Variants in SEPTIN14 observed in about 807,000 individuals in gnomAD.
The protein encoded by SEPTIN14 is septin 14.
In SEPTIN14, 40 loss-of-function variants were observed where a neutral mutation model predicts 53.6. The ratio of observed to expected loss-of-function variants is 0.75; its 90% CI spans 0.58 to 0.97. SEPTIN14 has a LOEUF of 0.97. Ranked by LOEUF, SEPTIN14 falls within the 50% of genes least tolerant of loss-of-function variation. The probability of loss-of-function intolerance (pLI) is 0.00; values close to 1 mark genes in which losing one functional copy is unlikely to be tolerated. For synonymous variants in SEPTIN14, 138 were observed against 166.8 expected, an observed-to-expected ratio of 0.83 and a Z score of 1.33; for missense variants, 471 against 508.2, an observed-to-expected ratio of 0.93 and a Z score of 0.70.
chr7:55,827,741 A>T (rs1426063428), intron 6 of SEPTIN14, among the ~76,000 whole-genome samples: 1 of 152,230 alleles, frequency 6.6e-6, no homozygotes, highest in East Asian at 1.9e-4. Context: ...AGGAAATCAC[A>T]GTAAACAAAG....
chr7:55,800,649 G>C (rs1266138343), intron 9 of SEPTIN14, among the ~76,000 whole-genome samples: 1 of 151,938 alleles, frequency 6.6e-6, no homozygotes, highest in Non-Finnish European at 1.5e-5. Context: ...TAAACTCATG[G>C]AGATAGAGAA....
At position 55,834,520 on chromosome 7, in the gene SEPTIN14, T is replaced by A. The variant is rs1024391394; in HGVS notation, c.625A>T (p.Asn209Tyr). Reference protein sequence around the residue: ...ISKNDLQTFKNKIMSELISNG... With the variant: ...ISKNDLQTFKYKIMSELISNG... Reference sequence around the variant, plus strand: ...CTAATCAATTCACTCATTATCTTATTCTTAAACGTCTGTAAATCATTTTTA... The same window carrying A: ...CTAATCAATTCACTCATTATCTTATACTTAAACGTCTGTAAATCATTTTTA... The change falls in exon 6 of 10, where the codon AAT (asparagine) becomes TAT (tyrosine). Residue 209 changes from asparagine to tyrosine, a missense_variant. Transcript: ENST00000388975. 6.2e-7 allele frequency: 1 copy of A among 1,611,512 alleles called. No individual in the cohort carries two copies. The highest frequency in any genetic ancestry group is 2.2e-5 in the East Asian group (1 of 44,846).
At chr7:55,811,245 A>G (rs561593494) in intron 7 of SEPTIN14, 41 of 524,984 alleles carry the variant, frequency 7.8e-5, no homozygotes, top group Non-Finnish European at 1.6e-4. Flanking sequence ...CAGGATCTGG[A>G]TGTTGTAGAG....
chr7:55,795,904 G>A lies in SEPTIN14; in HGVS notation c.*9C>T, dbSNP rs1183244728. 1.9e-6 allele frequency: 3 copies of A among 1,576,208 alleles called. No homozygotes were observed. The highest frequency in any genetic ancestry group is 1.1e-5 in the South Asian group (1 of 90,454). ...AATGATAGGGCTCTCAGAATAGTAA[G>A]AGAAACTATTATTTCTTACGATGTT... On this transcript the variant is annotated 3_prime_UTR_variant, in exon 10 of 10. Coordinates refer to ENST00000388975, the MANE Select transcript of SEPTIN14 (RefSeq NM_207366.3).
At chr7:55,843,581 C>T (rs1298831759) in intron 4 of SEPTIN14, among the ~76,000 whole-genome samples, 1 of 152,202 alleles carries the variant, frequency 6.6e-6, no homozygotes, top group Non-Finnish European at 1.5e-5. Context: ...CGCCTGTAAT[C>T]ACAGCACTTT....
At chr7:55,857,713 G>A (rs1310106360) in intron 2 of SEPTIN14, among the ~76,000 whole-genome samples, 2 of 141,456 alleles carry the variant, frequency 1.4e-5, no homozygotes, top group South Asian at 4.8e-4. Flanking sequence ...TCAGCCTCCC[G>A]AGCAGCTGGG....
At chr7:55,804,267 G>GTTTT (rs778497124) in intron 9 of SEPTIN14, among the ~76,000 whole-genome samples, 1 of 129,108 alleles carries the variant, frequency 7.7e-6, no homozygotes, top group African/African-American at 2.8e-5. Flanking sequence ...GGTTTTTTTT[G>GTTTT]TTTTTTTTTT....
chr7:55,857,269 G>T (rs1175936781), intron 2 of SEPTIN14, among the ~76,000 whole-genome samples: 2 of 151,578 alleles, frequency 1.3e-5, no homozygotes, highest in African/African-American at 4.8e-5. Flanking sequence ...CTACTCAGGA[G>T]GCTGAGGCAG....
At chr7:55,855,430 G>T (rs180814510) in intron 2 of SEPTIN14, among the ~76,000 whole-genome samples, 11 of 152,308 alleles carry the variant, frequency 7.2e-5, no homozygotes, top group African/African-American at 2.6e-4. Flanking sequence ...ACTTTTCTAG[G>T]CAAGAAAGAC....
chr7:55,820,010 G>GT (rs1033702704), intron 6 of SEPTIN14, among the ~76,000 whole-genome samples: 3 of 151,852 alleles, frequency 2.0e-5, no homozygotes, highest in African/African-American at 7.3e-5. Context: ...AATTATGTTT[G>GT]TTTTTTTGAG....
chr7:55,845,241 T>C (rs1584269971), intron 3 of SEPTIN14, among the ~76,000 whole-genome samples: 1 of 152,112 alleles, frequency 6.6e-6, no homozygotes, highest in Non-Finnish European at 1.5e-5. Context: ...GAGGCCATCA[T>C]CCTTAGCAAA....
At chr7:55,846,072 T>TATATATATATATATAC (rs1026748537) in intron 3 of SEPTIN14, among the ~76,000 whole-genome samples, 6 of 104,216 alleles carry the variant, frequency 5.8e-5, no homozygotes, top group Non-Finnish European at 8.3e-5. Flanking sequence ...AAAGTATATA[T>TATATATATATATATAC]ATATATATAT....
chr7:55,805,245 T>C lies in SEPTIN14; in HGVS notation c.1119+13A>G, dbSNP rs1788592523. On this transcript the variant is annotated intron_variant, in intron 9 of 9. Coordinates refer to ENST00000388975, the MANE Select transcript of SEPTIN14 (RefSeq NM_207366.3). The stretch of plus-strand genomic sequence containing the variant: ...AAAATTAATACAAATTATATCAAAC[T>C]GTCAGTACTAACCTCTTTTTCAGCT... 1 of 1,602,762 alleles carries C rather than the reference T, an allele frequency of 6.2e-7. No homozygotes were observed. Among genetic ancestry groups the C allele is most frequent in the Admixed American group, 1.7e-5 (1 of 58,308 alleles).
At chr7:55,833,495 G>A (rs1264513626) in intron 6 of SEPTIN14, among the ~76,000 whole-genome samples, 2 of 152,012 alleles carry the variant, frequency 1.3e-5, no homozygotes, top group African/African-American at 4.8e-5. Flanking sequence ...ATCTCTTGAG[G>A]CCAGGAGTTT....
intron 6 of SEPTIN14, among the ~76,000 whole-genome samples, chr7:55,830,439 C>T (rs1272422588): frequency 1.4e-5 from 2 of 147,522 alleles, no homozygotes; most frequent in Non-Finnish European, 1.5e-5. Flanking sequence ...CTCCGCCTCT[C>T]GGGTTCACGC....
At chr7:55,834,385 C>A (rs759647068) in intron 6 of SEPTIN14, 40 bp downstream of exon 6, 14 of 1,495,318 alleles carry the variant, frequency 9.4e-6, no homozygotes, top group South Asian at 1.3e-5. Flanking sequence ...GATAAACACT[C>A]ATTTCTAGCC....
chr7:55,834,940 C>T (rs1010895124), intron 5 of SEPTIN14, among the ~76,000 whole-genome samples: 1 of 151,962 alleles, frequency 6.6e-6, no homozygotes, highest in Non-Finnish European at 1.5e-5. Flanking sequence ...CCACTGCGCC[C>T]AGCCATCCTA....
rs553230411 is a variant in SEPTIN14, at chr7:55,851,406, C to T, written c.55-4769G>A. Among the ~76,000 whole-genome samples the T allele has an allele frequency of 7.0e-4, 103 of 147,000 alleles. No individual in the cohort carries two copies. The East Asian group carries it at 0.013, about 18-fold the overall frequency. On this transcript the variant is annotated intron_variant, in intron 2 of 9. Coordinates refer to ENST00000388975, the MANE Select transcript of SEPTIN14 (RefSeq NM_207366.3). ...AGAATTTCATTTAGAAGAAATCATACTGCATGGAGTTTTTTTTTTTATCTT... is the reference window on the plus strand; with the variant it reads ...AGAATTTCATTTAGAAGAAATCATATTGCATGGAGTTTTTTTTTTTATCTT...
intron 9 of SEPTIN14, chr7:55,798,831 G>A (rs533875810): frequency 3.4e-4 from 58 of 169,846 alleles, no homozygotes; most frequent in African/African-American, 1.1e-3. Flanking sequence ...GTCCAGGCCC[G>A]GAGACTCACA....
Sources: allele counts gnomAD v4.1 joint callset (sites outside exome capture counted in the v4.1 genomes callset), GRCh38; gene constraint gnomAD v4.1.1; transcripts MANE v1.5; gene names NCBI Gene and HGNC (gene_info 2026-07-23, HGNC 2026-07-21).